NDUFB6: variants seen among roughly 807,000 people sequenced by gnomAD.
NDUFB6 encodes the protein NADH dehydrogenase [ubiquinone] 1 beta subcomplex subunit 6.
NDUFB6 carries 23 observed loss-of-function variants against 17.5 expected under a neutral mutation model. The ratio of observed to expected loss-of-function variants is 1.31; its 90% CI spans 0.94 to 1.86. NDUFB6 has a LOEUF of 1.86. NDUFB6 is among the 40% of genes most tolerant of loss of function. NDUFB6 has a pLI of 0.00. For missense variants in NDUFB6, 167 were observed against 153.8 expected (o/e 1.09, Z -0.46); for synonymous variants, 60 against 53.5 (o/e 1.12, Z -0.53).
intron 2 of NDUFB6, chr9:32,566,973 G>T: frequency 2.0e-6 from 1 of 511,332 alleles, no homozygotes. Flanking sequence ...CATCGTCGAG[G>T]ACGCTTCGGT....
chr9:32,567,481 A>G (rs1275664232), intron 2 of NDUFB6: 3 of 427,666 alleles, frequency 7.0e-6, no homozygotes, highest in Non-Finnish European at 1.4e-5. Context: ...GACGTGCACC[A>G]AGCCCGGCTA....
At chr9:32,566,668 G>T (rs148230845) in intron 2 of NDUFB6, 4 of 812,430 alleles carry the variant, frequency 4.9e-6, no homozygotes, top group Non-Finnish European at 4.4e-6. Flanking sequence ...AGGTAACTCC[G>T]GATCCGGCTT....
At chr9:32,571,335 CTTA>C (rs1321755494) in intron 1 of NDUFB6, among the ~76,000 whole-genome samples, 1 of 152,014 alleles carries the variant, frequency 6.6e-6, no homozygotes, top group Non-Finnish European at 1.5e-5. Context: ...CAAAAATATC[CTTA>C]TTATAAGTTT....
intron 2 of NDUFB6, among the ~76,000 whole-genome samples, chr9:32,563,920 T>C (rs1821702478): frequency 6.6e-6 from 1 of 152,212 alleles, no homozygotes. Flanking sequence ...CTTTCAGCAC[T>C]TCTTTACTTT....
At chr9:32,558,116 C>T (rs1821520340) in intron 3 of NDUFB6, among the ~76,000 whole-genome samples, 1 of 86,528 alleles carries the variant, frequency 1.2e-5, no homozygotes, top group African/African-American at 3.7e-5. Context: ...TCATAGTATA[C>T]ATTTTTTTTT....
At chr9:32,554,873 A>G (rs1308184723) in intron 3 of NDUFB6, among the ~76,000 whole-genome samples, 1 of 152,182 alleles carries the variant, frequency 6.6e-6, no homozygotes, top group Non-Finnish European at 1.5e-5. Context: ...AATATCTCCT[A>G]TAACTTGGAA....
chr9:32,571,878 T>C (rs1461975974), intron 1 of NDUFB6, among the ~76,000 whole-genome samples: 1 of 152,214 alleles, frequency 6.6e-6, no homozygotes, highest in African/African-American at 2.4e-5. Flanking sequence ...CATAAATAAG[T>C]ATCCAATATC....
chr9:32,562,505 T>C (rs1030495420), intron 2 of NDUFB6, among the ~76,000 whole-genome samples: 1 of 152,236 alleles, frequency 6.6e-6, no homozygotes, highest in Non-Finnish European at 1.5e-5. Context: ...AAAGCCAACA[T>C]TCACTGGATT....
chr9:32,569,735 C>T (rs1471078294), intron 2 of NDUFB6, among the ~76,000 whole-genome samples: 2 of 151,890 alleles, frequency 1.3e-5, no homozygotes, highest in Admixed American at 6.6e-5. Flanking sequence ...CCAAGCCGGT[C>T]GAACTTCTGG....
At chr9:32,567,963 T>C (rs1004899688) in intron 2 of NDUFB6, 1 of 167,836 alleles carries the variant, frequency 6.0e-6, no homozygotes, top group African/African-American at 2.4e-5. Flanking sequence ...GGCAGGAGAA[T>C]TGCTTGAACC....
At chr9:32,572,853 G>C (rs781445756) in intron 1 of NDUFB6, 28 bp downstream of exon 1, 6 of 1,529,938 alleles carry the variant, frequency 3.9e-6, no homozygotes, top group South Asian at 1.2e-5. Flanking sequence ...GGATGTGTTG[G>C]GGGGGACCGG....
At chr9:32,572,297 TC>T (rs1403255380) in intron 1 of NDUFB6, among the ~76,000 whole-genome samples, 1 of 152,178 alleles carries the variant, frequency 6.6e-6, no homozygotes, top group Non-Finnish European at 1.5e-5. Context: ...GTGATTTTCT[TC>T]AAAGCCCAAA....
At position 32,553,127 on chromosome 9, in the gene NDUFB6, TTGAG is replaced by T; in HGVS notation, c.*745_*748del. Reference sequence around the variant, plus strand: ...TAACAGCAACCTAAATCTGACAGTCTTGAGTGTCAGATCATAGTTGGAATAAGCT... The same window carrying T: ...TAACAGCAACCTAAATCTGACAGTCTTGTCAGATCATAGTTGGAATAAGCT... On this transcript the variant is annotated 3_prime_UTR_variant, in exon 4 of 4. Transcript: ENST00000379847. The T allele has an allele frequency of 2.2e-6, 1 of 463,742 alleles. No homozygotes were observed. The highest frequency in any genetic ancestry group is 3.8e-6 in the Non-Finnish European group (1 of 266,478). 28.7% of individuals were successfully genotyped at this position (463,742 alleles called of 1,614,324 possible).
At chr9:32,567,009 G>A (rs1462212414) in intron 2 of NDUFB6, 1 of 500,326 alleles carries the variant, frequency 2.0e-6, no homozygotes, top group Non-Finnish European at 4.0e-6. Flanking sequence ...CTCGTACGAG[G>A]GAGCTAGAAG....
At chr9:32,557,779 TC>T (rs372720711) in intron 3 of NDUFB6, among the ~76,000 whole-genome samples, 38 of 152,096 alleles carry the variant, frequency 2.5e-4, no homozygotes, top group African/African-American at 8.9e-4. Context: ...GCCTGGCCCC[TC>T]CCCCAACTAT....
chr9:32,558,460 G>A (rs1337796605), intron 3 of NDUFB6, among the ~76,000 whole-genome samples: 3 of 152,242 alleles, frequency 2.0e-5, no homozygotes, highest in South Asian at 4.1e-4. Context: ...ATTCACAGAT[G>A]GAGAACTTAA....
rs191329410 is a variant in NDUFB6 at position 32,563,963 on chromosome 9, T to C, written c.274-5009A>G. ...AATAATATGTTCCAAGCTCATCTTA[T>C]ACTTTCTCTCCTCCCGCCCTAGAAT... On this transcript the variant is annotated intron_variant, in intron 2 of 3. Coordinates refer to ENST00000379847, the MANE Select transcript of NDUFB6 (RefSeq NM_002493.5). Among the ~76,000 whole-genome samples the C allele has an allele frequency of 1.9e-3, 283 of 152,356 alleles. 3 individuals are homozygous for C. Among genetic ancestry groups the C allele is most frequent in the Non-Finnish European group, 5.6e-4 (38 of 68,032 alleles).
chr9:32,556,740 A>C (rs780117631), intron 3 of NDUFB6, among the ~76,000 whole-genome samples: 63 of 152,180 alleles, frequency 4.1e-4, no homozygotes, highest in Non-Finnish European at 8.5e-4. Context: ...AAATAAATAT[A>C]AATTGCCCAG....
chr9:32,572,790 T>C lies in NDUFB6; in HGVS notation c.180+91A>G, dbSNP rs926244550. 25 of 1,238,238 alleles carry C rather than the reference T, an allele frequency of 2.0e-5. No homozygotes were observed. In the African/African-American group the frequency reaches 3.0e-4, roughly 15 times the overall value. 76.7% of individuals were successfully genotyped at this position (1,238,238 alleles called of 1,614,324 possible). ...CCAGAGCACTGAGCGTTATCAGTCC[T>C]TGGTGTGGCTGCAGGGAGCGGACGT... On this transcript the variant is annotated intron_variant, in intron 1 of 3. Transcript: ENST00000379847.
Sources: allele counts gnomAD v4.1 joint callset (sites outside exome capture counted in the v4.1 genomes callset), GRCh38; gene constraint gnomAD v4.1.1; transcripts MANE v1.5; gene names NCBI Gene and HGNC (gene_info 2026-07-23, HGNC 2026-07-21).